SNX29: variants seen among roughly 807,000 people sequenced by gnomAD.
The protein encoded by SNX29 is sorting nexin-29.
A neutral mutation model predicts 102.1 loss-of-function variants in SNX29; 78 were observed. The ratio of observed to expected loss-of-function variants is 0.76; its 90% confidence interval spans 0.64 to 0.92. SNX29 has a LOEUF of 0.92. Ranked by LOEUF, SNX29 falls within the 40% of genes least tolerant of loss-of-function variation. The pLI is 0.00. For synonymous variants in SNX29, 580 were observed against 414.5 expected, an observed-to-expected ratio of 1.40 and a Z score of -4.85; for missense variants, 1,280 against 1,061.7, an observed-to-expected ratio of 1.21 and a Z score of -2.86.
rs1302046809 is a variant in SNX29, at chr16:12,569,129, G to T, written c.*500G>T. Reference sequence around the variant, plus strand: ...TAGGGATGGCTGGCTTTGCGGGGGGGGGGGGGGGGGGGGGCATGGTTCCTT... The same window carrying T: ...TAGGGATGGCTGGCTTTGCGGGGGGTGGGGGGGGGGGGGGCATGGTTCCTT... On this transcript the variant is annotated 3_prime_UTR_variant, in exon 21 of 21. Transcript: ENST00000566228. 155 of 128,442 alleles carry T rather than the reference G, an allele frequency of 1.2e-3. 3 individuals carry two copies. The highest frequency in any genetic ancestry group is 5.9e-3 in the South Asian group (16 of 2,734). 8.0% of individuals were successfully genotyped at this position (128,442 alleles called of 1,614,324 possible).
In SNX29 at chr16:12,061,556, C is replaced by T. The variant is rs887673434; in HGVS notation, c.1153C>T (p.Gln385Ter). ...ACTGGAAGGGAACACCTGCCTCTCCCAGATGCACAGCTGGGCTCCGCTGAA... is the reference window on the plus strand; with the variant it reads ...ACTGGAAGGGAACACCTGCCTCTCCTAGATGCACAGCTGGGCTCCGCTGAA... ...KPLEGNTCLS[Q>*]MHSWAPLKVL... Residue 385 changes from glutamine (Q) to a stop codon, truncating the protein, a stop_gained, in exon 9 of 21, where the codon CAG (glutamine) becomes TAG (stop). Coordinates refer to ENST00000566228, the MANE Select transcript of SNX29 (RefSeq NM_032167.5). LOFTEE classifies it high-confidence loss of function. The T allele has an allele frequency of 6.2e-7, 1 of 1,609,218 alleles. No homozygotes were observed. The highest frequency in any genetic ancestry group is 8.5e-7 in the Non-Finnish European group (1 of 1,178,320).
At chr16:12,390,978 C>T (rs1490191396) in intron 16 of SNX29, among the ~76,000 whole-genome samples, 1 of 152,144 alleles carries the variant, frequency 6.6e-6, no homozygotes, top group Non-Finnish European at 1.5e-5. Context: ...TGGGGTCTCA[C>T]TCTGTCACCA....
chr16:12,066,825 G>A (rs1412608558), intron 9 of SNX29, among the ~76,000 whole-genome samples: 2 of 151,764 alleles, frequency 1.3e-5, no homozygotes, highest in African/African-American at 4.8e-5. Flanking sequence ...AGGTAGCCAG[G>A]ATCTGTTATG....
intron 15 of SNX29, among the ~76,000 whole-genome samples, chr16:12,355,632 G>C (rs894990252): frequency 1.1e-4 from 16 of 152,074 alleles, no homozygotes; most frequent in African/African-American, 3.9e-4. Flanking sequence ...TCTGTACATT[G>C]ACTATAGACC....
intron 20 of SNX29, among the ~76,000 whole-genome samples, chr16:12,558,384 A>G (rs1186472881): frequency 6.6e-6 from 1 of 152,212 alleles, no homozygotes; most frequent in African/African-American, 2.4e-5. Context: ...TCGGAATTTT[A>G]CATAGAGTGA....
At chr16:12,071,333 A>G (rs1055372610) in intron 10 of SNX29, among the ~76,000 whole-genome samples, 6 of 152,090 alleles carry the variant, frequency 3.9e-5, no homozygotes, top group African/African-American at 1.4e-4. Context: ...ATCCATCTTG[A>G]ATTAATTTTT....
At chr16:12,300,125 G>A (rs1285252175) in intron 15 of SNX29, among the ~76,000 whole-genome samples, 1 of 152,172 alleles carries the variant, frequency 6.6e-6, no homozygotes, top group African/African-American at 2.4e-5. Context: ...GCCTGCCTCG[G>A]CCTCCCAAAG....
chr16:12,133,192 G>T (rs1050970585), intron 13 of SNX29, among the ~76,000 whole-genome samples: 21 of 151,862 alleles, frequency 1.4e-4, no homozygotes, highest in African/African-American at 5.1e-4. Context: ...GCCTTGTACT[G>T]ACGGGGTCAG....
At chr16:12,471,362 A>G (rs372324756) in intron 18 of SNX29, among the ~76,000 whole-genome samples, 39 of 152,248 alleles carry the variant, frequency 2.6e-4, no homozygotes, top group African/African-American at 9.1e-4. Flanking sequence ...TAATTGCTTA[A>G]TTCTCCTCCT....
At chr16:12,566,091 G>C (rs966415535) in intron 20 of SNX29, among the ~76,000 whole-genome samples, 1 of 152,326 alleles carries the variant, frequency 6.6e-6, no homozygotes, top group African/African-American at 2.4e-5. Context: ...TCCCCATGAT[G>C]CTTAAAACCA....
At chr16:12,335,930 T>G (rs111676683) in intron 15 of SNX29, among the ~76,000 whole-genome samples, 1 of 152,046 alleles carries the variant, frequency 6.6e-6, no homozygotes, top group Admixed American at 6.6e-5. Context: ...ACCCAGGCAG[T>G]TGGACTCCAC....
intron 14 of SNX29, among the ~76,000 whole-genome samples, chr16:12,252,092 G>C (rs1252287435): frequency 6.6e-6 from 1 of 152,128 alleles, no homozygotes; most frequent in Non-Finnish European, 1.5e-5. Context: ...GAAAATCACA[G>C]TATTCTCCCA....
In SNX29 at chr16:12,573,431, T is replaced by G. The variant is rs1290562205; in HGVS notation, c.*4802T>G. 3 of 223,322 alleles carry G rather than the reference T, an allele frequency of 1.3e-5. No individual in the cohort carries two copies. The highest frequency in any genetic ancestry group is 6.7e-5 in the African/African-American group (3 of 44,630). 13.8% of individuals were successfully genotyped at this position (223,322 alleles called of 1,614,324 possible). The stretch of plus-strand genomic sequence containing the variant: ...AAGTGAAAAAGAAATCTGGCTTCCT[T>G]AATAAGATAGTTGAGCCTATGACAT... On this transcript the variant is annotated 3_prime_UTR_variant, in exon 21 of 21. Transcript: ENST00000566228.
chr16:12,449,922 G>A (rs1274760068), intron 18 of SNX29, among the ~76,000 whole-genome samples: 3 of 152,208 alleles, frequency 2.0e-5, no homozygotes, highest in African/African-American at 7.2e-5. Context: ...ATCTTGAGTT[G>A]TAGCTTCCAT....
chr16:11,999,834 G>A (rs1310642236), intron 2 of SNX29, among the ~76,000 whole-genome samples: 2 of 152,100 alleles, frequency 1.3e-5, no homozygotes, highest in East Asian at 3.9e-4. Context: ...CTGGTAGGTG[G>A]TAGTTGCAGT....
chr16:12,319,938 G>C (rs2080875974), intron 15 of SNX29, among the ~76,000 whole-genome samples: 1 of 152,120 alleles, frequency 6.6e-6, no homozygotes, highest in Non-Finnish European at 1.5e-5. Context: ...CTCCCACATG[G>C]GAAGAAACCC....
At chr16:12,556,396 G>C (rs191200094) in intron 20 of SNX29, 1 of 152,288 alleles carries the variant, frequency 6.6e-6, no homozygotes, top group African/African-American at 2.4e-5. Context: ...TGGCAATATA[G>C]TACAGAAGAT....
chr16:12,121,230 C>T (rs1252154960), intron 11 of SNX29, among the ~76,000 whole-genome samples: 1 of 152,178 alleles, frequency 6.6e-6, no homozygotes, highest in Non-Finnish European at 1.5e-5. Context: ...GGACAGTGTG[C>T]TTTCGTGGAG....
intron 19 of SNX29, among the ~76,000 whole-genome samples, chr16:12,497,776 G>C (rs189473353): frequency 2.0e-5 from 3 of 152,120 alleles, no homozygotes; most frequent in Non-Finnish European, 4.4e-5. Flanking sequence ...TCCACTAGGC[G>C]CCTCAGGCAG....
Sources: gnomAD v4.1 joint callset for allele counts (sites outside exome capture counted in the v4.1 genomes callset) on GRCh38, gnomAD v4.1.1 for gene constraint, MANE v1.5 for transcripts, NCBI Gene and HGNC (gene_info 2026-07-23, HGNC 2026-07-21) for gene names.